The following TRIM3 variants were observed in gnomAD, a reference collection of about 807,000 sequenced individuals.
TRIM3 encodes tripartite motif-containing protein 3.
In TRIM3, 13 loss-of-function variants were observed where a neutral mutation model predicts 66.6. That is an observed-to-expected ratio of 0.20 (90% CI 0.13 to 0.31). TRIM3 has a LOEUF of 0.31. Ranked by LOEUF, TRIM3 falls within the 10% of genes least tolerant of loss-of-function variation. The probability of loss-of-function intolerance (pLI) is 1.00; values close to 1 mark genes in which losing one functional copy is unlikely to be tolerated. For synonymous variants in TRIM3, 406 were observed against 411.7 expected (o/e 0.99, Z 0.17); for missense variants, 711 against 1,020.4 (o/e 0.70, Z 4.13).
At chr11:6,452,893 C>T (rs1444101710) in intron 7 of TRIM3, 1 of 152,190 alleles carries the variant, frequency 6.6e-6, no homozygotes, top group Non-Finnish European at 1.5e-5. Context: ...CTCATCTTTC[C>T]ATTCTTAGAA....
In TRIM3 at chr11:6,457,064, C is replaced by A. The variant is rs779958037; in HGVS notation, c.697-35G>T. The A allele has an allele frequency of 1.6e-5, 25 of 1,564,698 alleles. No homozygotes were observed. The South Asian group carries it at 2.9e-4, about 18-fold the overall frequency. On this transcript the variant is annotated intron_variant, in intron 5 of 11. Coordinates refer to ENST00000345851, the MANE Select transcript of TRIM3 (RefSeq NM_033278.4). The surrounding 1 kb of genome is among the most constrained non-coding windows in gnomAD (Gnocchi z 4.5). ...GGTAGGGGAGGAGTGGGTGAGCAGA[C>A]TGGCACAGGGGGAGTCTCTGTGATT...
At chr11:6,463,693 G>A (rs567033555) in intron 2 of TRIM3, among the ~76,000 whole-genome samples, 4 of 152,258 alleles carry the variant, frequency 2.6e-5, no homozygotes, top group East Asian at 1.9e-4. Flanking sequence ...GTGGGGTAAC[G>A]GGAGCCAGGA....
Position 6,457,975 on chromosome 11 carries a change from C to A in TRIM3, c.363+90G>T, listed in dbSNP as rs575758090. ...CCTGGACCACTAATCCAGAGCAGTA[C>A]CCTGTCACCCAGCCACTCGGCACCC... On this transcript the variant is annotated intron_variant, in intron 3 of 11. Transcript: ENST00000345851. The surrounding 1 kb of genome is among the most constrained non-coding windows in gnomAD (Gnocchi z 4.5). 22 of 1,534,808 alleles carry A rather than the reference C, an allele frequency of 1.4e-5. No individual in the cohort carries two copies. The highest frequency in any genetic ancestry group is 1.9e-5 in the Non-Finnish European group (21 of 1,133,540).
intron 2 of TRIM3, among the ~76,000 whole-genome samples, chr11:6,460,047 A>T (rs1850156230): frequency 6.6e-6 from 1 of 152,222 alleles, no homozygotes; most frequent in Admixed American, 6.5e-5. Context: ...AGAGAGAGGG[A>T]CAGAGCACTT....
chr11:6,462,790 C>G (rs370455474), intron 2 of TRIM3, among the ~76,000 whole-genome samples: 8 of 152,000 alleles, frequency 5.3e-5, no homozygotes, highest in African/African-American at 1.9e-4. Context: ...GGTGTGGTAG[C>G]CTGCACCTGT....
rs1249425823 is a variant in TRIM3, at chr11:6,450,938, C to G, written c.1824G>C (p.Leu608=). 1 of 1,614,192 alleles carries G rather than the reference C, an allele frequency of 6.2e-7. No homozygotes were observed. The highest frequency in any genetic ancestry group is 1.1e-5 in the South Asian group (1 of 91,084). ...CCCCACGGCCCCCAAAACGGCCAACCAGTTTGCCATTGGGCTGGAAGGTAA... is the reference window on the plus strand; with the variant it reads ...CCCCACGGCCCCCAAAACGGCCAACGAGTTTGCCATTGGGCTGGAAGGTAA... ...CVFTFQPNGK[L]VGRFGGRGAT... is the part of the protein sequence containing the mutation. Residue 608 remains leucine, a synonymous_variant, in exon 9 of 12, where the codon CTG becomes CTC. Transcript: ENST00000345851. The surrounding 1 kb of genome is among the most constrained non-coding windows in gnomAD (Gnocchi z 4.8).
At position 6,449,610 on chromosome 11, in the gene TRIM3, G is replaced by C; in HGVS notation, c.1942-164C>G. On this transcript the variant is annotated intron_variant, in intron 10 of 11. Transcript: ENST00000345851. This position sits in a 1 kb window ranked among gnomAD's most constrained non-coding sequence, Gnocchi z 5.3. The stretch of plus-strand genomic sequence containing the variant: ...TCACATCCATGTGCCCTACTGCCTA[G>C]TAGACATCTCTTGCTGATGTCCATT... The C allele has an allele frequency of 1.7e-6, 1 of 573,488 alleles. No homozygotes were observed. The allele number at this position is 573,488 out of a possible 1,614,324, so 35.5% of individuals were successfully genotyped here.
chr11:6,466,920 T>G (rs1182909326), intron 1 of TRIM3, among the ~76,000 whole-genome samples: 1 of 152,222 alleles, frequency 6.6e-6, no homozygotes, highest in Non-Finnish European at 1.5e-5. Flanking sequence ...AGGATAGGCA[T>G]TTTATTTATT....
intron 2 of TRIM3, among the ~76,000 whole-genome samples, chr11:6,465,201 A>T (rs61876786): frequency 0.017 from 2,590 of 152,212 alleles, 46 homozygotes; most frequent in Middle Eastern, 0.031. Context: ...GGAAGGACAG[A>T]CCTAACTTCA....
chr11:6,465,790 C>A, intron 1 of TRIM3, 58 bp from the exon 2 acceptor site: 2 of 1,501,568 alleles, frequency 1.3e-6, no homozygotes, highest in East Asian at 2.3e-5. Context: ...CCACCCAATC[C>A]CCGCCACTCA....
At chr11:6,466,399 TTTTCA>T (rs1850471598) in intron 1 of TRIM3, among the ~76,000 whole-genome samples, 1 of 152,228 alleles carries the variant, frequency 6.6e-6, no homozygotes. Flanking sequence ...CACTGACACC[TTTTCA>T]TTTATCTTCC....
intron 7 of TRIM3, 141 bp downstream of exon 7, chr11:6,455,931 T>G: frequency 1.2e-6 from 1 of 827,036 alleles, no homozygotes; most frequent in Non-Finnish European, 1.9e-6. Context: ...GGGGTGATCC[T>G]TTGATTCACT....
In TRIM3 at chr11:6,457,899, T is replaced by A; in HGVS notation, c.364-52A>T. The A allele has an allele frequency of 6.2e-7, 1 of 1,605,930 alleles. No individual in the cohort carries two copies. The highest frequency in any genetic ancestry group is 8.5e-7 in the Non-Finnish European group (1 of 1,174,576). On this transcript the variant is annotated intron_variant, in intron 3 of 11. Transcript: ENST00000345851. The surrounding 1 kb of genome is among the most constrained non-coding windows in gnomAD (Gnocchi z 4.5). The stretch of plus-strand genomic sequence containing the variant: ...AATGGCTAGACATCACACTTCTTTG[T>A]CCCCTCCCCACCTGCCCTCCCTGCC...
At chr11:6,462,653 C>A (rs1337672500) in intron 2 of TRIM3, among the ~76,000 whole-genome samples, 1 of 152,086 alleles carries the variant, frequency 6.6e-6, no homozygotes, top group Non-Finnish European at 1.5e-5. Context: ...CTCAAGTGAT[C>A]CTCCCACCTT....
rs1849637778 is a variant in TRIM3, at chr11:6,449,596, T to C, written c.1942-150A>G. 3 of 653,136 alleles carry C rather than the reference T, an allele frequency of 4.6e-6. No individual in the cohort carries two copies. Among genetic ancestry groups the C allele is most frequent in the Non-Finnish European group, 7.8e-6 (3 of 384,452 alleles). The allele number at this position is 653,136 out of a possible 1,614,324, so 40.5% of individuals were successfully genotyped here. A position where few individuals can be genotyped will look rare whatever the true frequency, so the allele number is the denominator to read the frequency against. On this transcript the variant is annotated intron_variant, in intron 10 of 11. Coordinates refer to ENST00000345851, the MANE Select transcript of TRIM3 (RefSeq NM_033278.4). The surrounding 1 kb of genome is among the most constrained non-coding windows in gnomAD (Gnocchi z 5.3). ...CTGCTTCATAGGCTTCACATCCATG[T>C]GCCCTACTGCCTAGTAGACATCTCT... is the stretch of plus-strand genomic sequence containing the variant.
Position 6,456,911 on chromosome 11 carries a change from T to C in TRIM3, c.815A>G (p.Lys272Arg). The C allele has an allele frequency of 6.2e-7, 1 of 1,612,048 alleles. No homozygotes were observed. The highest frequency in any genetic ancestry group is 8.5e-7 in the Non-Finnish European group (1 of 1,179,972). ...TGCAGCCAGCCGCTCTCGCATGTGC[T>C]TGCGCACCAGCAACACCTCCGGGGC... ...GSAPEVLLVR[K>R]HMRERLAALA... Residue 272 changes from lysine to arginine, a missense_variant, in exon 6 of 12, where the codon AAG becomes AGG. By Grantham distance (26) the Lys-to-Arg change is conservative. Coordinates refer to ENST00000345851, the MANE Select transcript of TRIM3 (RefSeq NM_033278.4). The surrounding 1 kb of genome is among the most constrained non-coding windows in gnomAD (Gnocchi z 6.4).
At position 6,449,477 on chromosome 11, in the gene TRIM3, C is replaced by A. The variant is rs751350770; in HGVS notation, c.1942-31G>T. The stretch of plus-strand genomic sequence containing the variant: ...GGGGGAAGGGGCTAGGGACTGGGGA[C>A]CTGGCCTCAGGCAGAGGGTAGGGCT... On this transcript the variant is annotated intron_variant, in intron 10 of 11. Transcript: ENST00000345851. The surrounding 1 kb of genome is among the most constrained non-coding windows in gnomAD (Gnocchi z 5.3). The A allele has an allele frequency of 1.3e-6, 2 of 1,599,912 alleles. No individual in the cohort carries two copies. Among genetic ancestry groups the A allele is most frequent in the Admixed American group, 3.4e-5 (2 of 59,144 alleles).
Position 6,458,364 on chromosome 11 carries a change from C to G in TRIM3, c.132-68G>C. ...CATAAGTGCACCCTTCCTTATACTT[C>G]CCATGGGTGCCAACCCCTTCCCTCA... On this transcript the variant is annotated intron_variant, in intron 2 of 11. Transcript: ENST00000345851. The surrounding 1 kb of genome is among the most constrained non-coding windows in gnomAD (Gnocchi z 6.2). 1.5e-6 allele frequency: 2 copies of G among 1,309,890 alleles called. No homozygotes were observed. Among genetic ancestry groups the G allele is most frequent in the Non-Finnish European group, 2.2e-6 (2 of 925,278 alleles). 81.1% of individuals were successfully genotyped at this position (1,309,890 alleles called of 1,614,324 possible).
rs762608565 is a variant in TRIM3, at chr11:6,467,972, A to C, written c.-37-2240T>G. 3.3e-5 allele frequency among the ~76,000 whole-genome samples: 5 copies of C among 152,154 alleles called. No homozygotes were observed. In the South Asian group the frequency reaches 1.0e-3, roughly 32 times the overall value. ...AGGGTATCATCTGAGCTACAAGCAA[A>C]AAGCTGGACTGATTTGAGAAATATT... On this transcript the variant is annotated intron_variant, in intron 1 of 11. Coordinates refer to ENST00000345851, the MANE Select transcript of TRIM3 (RefSeq NM_033278.4).
Sources: gnomAD v4.1 joint callset for allele counts (sites outside exome capture counted in the v4.1 genomes callset) on GRCh38, gnomAD v4.1.1 for gene constraint, Gnocchi (gnomAD v3.1) non-coding constraint, MANE v1.5 for transcripts, NCBI Gene and HGNC (gene_info 2026-07-23, HGNC 2026-07-21) for gene names.